Variants in ATP2B2 observed in about 807,000 individuals in gnomAD.
ATP2B2 encodes the protein ATPase plasma membrane Ca2+ transporting 2.
Under a neutral mutation model 120.0 loss-of-function variants are expected in ATP2B2, and 15 were observed. That is an observed-to-expected ratio of 0.12 (90% CI 0.08 to 0.19). The LOEUF is 0.19. ATP2B2 is among the 10% of genes least tolerant of loss of function. The pLI, the probability that ATP2B2 is intolerant of heterozygous loss-of-function variation, is 1.00. For synonymous variants in ATP2B2, 694 were observed against 700.3 expected, an observed-to-expected ratio of 0.99 and a Z score of 0.14; for missense variants, 1,045 against 1,719.8, an observed-to-expected ratio of 0.61 and a Z score of 6.94.
At chr3:10,355,670 A>C (rs1383336285) in intron 14 of ATP2B2, among the ~76,000 whole-genome samples, 2 of 152,070 alleles carry the variant, frequency 1.3e-5, no homozygotes, top group Non-Finnish European at 2.9e-5. Flanking sequence ...TCTCTGGATG[A>C]CCATGCTGTC....
chr3:10,694,522 G>A (rs185732901), intron 1 of ATP2B2, among the ~76,000 whole-genome samples: 1 of 152,310 alleles, frequency 6.6e-6, no homozygotes, highest in East Asian at 1.9e-4. Flanking sequence ...GTTCCACGGG[G>A]TGGATGGACC....
intron 1 of ATP2B2, among the ~76,000 whole-genome samples, chr3:10,704,642 G>A (rs905812620): frequency 6.6e-6 from 1 of 152,096 alleles, no homozygotes; most frequent in African/African-American, 2.4e-5. Context: ...TCAATCCCAA[G>A]GCCCCAATAG....
chr3:10,522,480 A>T (rs1217465418), intron 3 of ATP2B2, among the ~76,000 whole-genome samples: 2 of 152,066 alleles, frequency 1.3e-5, no homozygotes. Context: ...TGGTCATTCC[A>T]CTGGAAGTAA....
chr3:10,513,599 C>G (rs13317284), intron 3 of ATP2B2, among the ~76,000 whole-genome samples: 6,913 of 152,216 alleles, frequency 0.045, 380 homozygotes, highest in African/African-American at 0.14. Flanking sequence ...ATGATCCACT[C>G]AATGTGCTGT....
chr3:10,650,695 C>A (rs1235074967), intron 1 of ATP2B2, among the ~76,000 whole-genome samples: 2 of 152,214 alleles, frequency 1.3e-5, no homozygotes, highest in South Asian at 2.1e-4. Context: ...GGCTTGCCCC[C>A]CTGCTCTGTG....
chr3:10,652,036 C>A (rs2070481268), intron 1 of ATP2B2, among the ~76,000 whole-genome samples: 2 of 152,174 alleles, frequency 1.3e-5, no homozygotes, highest in African/African-American at 2.4e-5. Context: ...GTACAATAGT[C>A]TCCTCTTCTG....
chr3:10,491,510 G>C (rs946679141), intron 1 of ATP2B2, among the ~76,000 whole-genome samples: 4 of 152,176 alleles, frequency 2.6e-5, no homozygotes, highest in Non-Finnish European at 5.9e-5. Flanking sequence ...ACAGGCTTGA[G>C]CCAATGCGCC....
At chr3:10,639,874 G>A (rs977801930) in intron 1 of ATP2B2, among the ~76,000 whole-genome samples, 3 of 152,202 alleles carry the variant, frequency 2.0e-5, no homozygotes, top group African/African-American at 7.2e-5. Flanking sequence ...AAGGCTGGAG[G>A]GCAGAAGTGC....
intron 1 of ATP2B2, among the ~76,000 whole-genome samples, chr3:10,490,756 A>C (rs2065904385): frequency 6.6e-6 from 1 of 152,176 alleles, no homozygotes; most frequent in Non-Finnish European, 1.5e-5. Context: ...AGCTGCACCC[A>C]GTAGGTGCAT....
At chr3:10,546,249 A>G (rs2067543642) in intron 2 of ATP2B2, among the ~76,000 whole-genome samples, 1 of 152,082 alleles carries the variant, frequency 6.6e-6, no homozygotes, top group Admixed American at 6.5e-5. Context: ...TCTGCGCAAT[A>G]AGACCCCATC....
intron 2 of ATP2B2, among the ~76,000 whole-genome samples, chr3:10,411,086 T>C (rs527409718): frequency 7.9e-5 from 12 of 152,272 alleles, no homozygotes; most frequent in African/African-American, 2.4e-4. Flanking sequence ...AAAATAGTCC[T>C]GTTGTTGTAC....
At chr3:10,366,567 T>C (rs916648253) in intron 12 of ATP2B2, among the ~76,000 whole-genome samples, 3 of 152,238 alleles carry the variant, frequency 2.0e-5, no homozygotes, top group African/African-American at 2.4e-5. Flanking sequence ...CTCAGTTTAA[T>C]AGTTCAAATG....
intron 1 of ATP2B2, among the ~76,000 whole-genome samples, chr3:10,461,424 G>C (rs1278920669): frequency 1.3e-5 from 2 of 152,226 alleles, no homozygotes; most frequent in Non-Finnish European, 1.5e-5. Context: ...GAGCAGCTGA[G>C]AGCACGTGGG....
In ATP2B2 at chr3:10,410,933, G is replaced by A. The variant is rs558912793; in HGVS notation, c.200-118C>T. 3 of 1,227,598 alleles carry A rather than the reference G, an allele frequency of 2.4e-6. No homozygotes were observed. The East Asian group carries it at 7.0e-5, about 29-fold the overall frequency. The allele number at this position is 1,227,598 out of a possible 1,614,324, so 76.0% of individuals were successfully genotyped here. A position where few individuals can be genotyped will look rare whatever the true frequency, so the allele number is the denominator to read the frequency against. On this transcript the variant is annotated intron_variant, in intron 2 of 22. Transcript: ENST00000360273. ...AGAAACTTGCTGGTGGCTGGCCCAG[G>A]AGCCCAACATCTCTTCATGCTTTGG...
At chr3:10,589,414 G>A (rs759884991) in intron 2 of ATP2B2, among the ~76,000 whole-genome samples, 1 of 152,232 alleles carries the variant, frequency 6.6e-6, no homozygotes, top group Non-Finnish European at 1.5e-5. Flanking sequence ...AGGAGACAGG[G>A]TAGAAATGGT....
chr3:10,536,244 T>C (rs1299378239), intron 2 of ATP2B2, among the ~76,000 whole-genome samples: 1 of 152,180 alleles, frequency 6.6e-6, no homozygotes, highest in Non-Finnish European at 1.5e-5. Context: ...CTTTTTTGTA[T>C]ATGTTAGATA....
intron 22 of ATP2B2, among the ~76,000 whole-genome samples, chr3:10,335,387 G>A (rs2060087371): frequency 6.6e-6 from 1 of 152,204 alleles, no homozygotes; most frequent in Non-Finnish European, 1.5e-5. Flanking sequence ...AGTCAAAAGT[G>A]CAAGGGGAGG....
intron 14 of ATP2B2, among the ~76,000 whole-genome samples, chr3:10,355,237 A>G (rs1037576973): frequency 3.3e-5 from 5 of 152,202 alleles, no homozygotes; most frequent in Admixed American, 2.0e-4. Context: ...AATGCTGGAC[A>G]GTCTGATTCT....
At chr3:10,505,128 T>C (rs2066567891) in intron 1 of ATP2B2, among the ~76,000 whole-genome samples, 1 of 152,062 alleles carries the variant, frequency 6.6e-6, no homozygotes, top group South Asian at 2.1e-4. Flanking sequence ...TAGGGGGCAT[T>C]TGCAGTCCAG....
Sources: allele counts gnomAD v4.1 joint callset (sites outside exome capture counted in the v4.1 genomes callset), GRCh38; gene constraint gnomAD v4.1.1; transcripts MANE v1.5; gene names NCBI Gene and HGNC (gene_info 2026-07-23, HGNC 2026-07-21).